The following MYO3B variants were observed in gnomAD, a reference collection of about 807,000 sequenced individuals.
MYO3B encodes the protein myosin-IIIb.
A neutral mutation model predicts 174.6 loss-of-function variants in MYO3B; 156 were observed. That is an observed-to-expected ratio of 0.89 (90% confidence interval 0.78 to 1.02). MYO3B has a LOEUF of 1.02. Ranked by LOEUF, MYO3B falls within the 50% of genes least tolerant of loss-of-function variation. MYO3B has a pLI of 0.00. For missense variants in MYO3B, 1,632 were observed against 1,639.4 expected (o/e 1.00, Z 0.08); for synonymous variants, 563 against 569.1 (o/e 0.99, Z 0.15).
At position 170,653,362 on chromosome 2, in the gene MYO3B, T is replaced by TCA. The variant is rs1366113673; in HGVS notation, c.*241_*242insCA. On this transcript the variant is annotated 3_prime_UTR_variant, in exon 35 of 35. Coordinates refer to ENST00000408978, the MANE Select transcript of MYO3B (RefSeq NM_138995.5). ...TCCTTTCTCATCCCATGGGGCCCTG[T>TCA]GGGACACTGAGAACACCTTTACAAT... is the stretch of plus-strand genomic sequence containing the variant. The TCA allele has an allele frequency of 5.4e-5, 29 of 533,938 alleles. No homozygotes were observed. Among genetic ancestry groups the TCA allele is most frequent in the Non-Finnish European group, 9.3e-5 (28 of 301,244 alleles). The allele number at this position is 533,938 out of a possible 1,614,324, so 33.1% of individuals were successfully genotyped here.
At chr2:170,516,126 C>A (rs947920034) in intron 29 of MYO3B, among the ~76,000 whole-genome samples, 2 of 152,120 alleles carry the variant, frequency 1.3e-5, no homozygotes, top group African/African-American at 4.8e-5. Context: ...ACACACAGTG[C>A]TTTTTAAAAA....
At chr2:170,586,550 G>A (rs978070527) in intron 32 of MYO3B, among the ~76,000 whole-genome samples, 2 of 152,212 alleles carry the variant, frequency 1.3e-5, no homozygotes, top group Non-Finnish European at 2.9e-5. Context: ...TGCCTGTTAT[G>A]TATGTTACTA....
chr2:170,455,916 C>T (rs1219467181), intron 23 of MYO3B, among the ~76,000 whole-genome samples: 1 of 152,078 alleles, frequency 6.6e-6, no homozygotes, highest in Non-Finnish European at 1.5e-5. Flanking sequence ...ATGGTTTTGT[C>T]CAGAATATGG....
intron 7 of MYO3B, among the ~76,000 whole-genome samples, chr2:170,253,956 G>C (rs2093280022): frequency 6.6e-6 from 1 of 152,048 alleles, no homozygotes; most frequent in South Asian, 2.1e-4. Flanking sequence ...CTCCCACTGA[G>C]AGAAAACAAA....
rs565703090 is a variant in MYO3B, at chr2:170,251,206, T to G, written c.749+15070T>G. ...TACTGTCTTATACAGTTTCTTTGAT[T>G]CTTTACTGCAACTCTGATAGGTAGG... On this transcript the variant is annotated intron_variant, in intron 7 of 34. Coordinates refer to ENST00000408978, the MANE Select transcript of MYO3B (RefSeq NM_138995.5). Among the ~76,000 whole-genome samples, 5 of 152,170 alleles carry G rather than the reference T, an allele frequency of 3.3e-5. No individual in the cohort carries two copies. The South Asian group carries it at 1.0e-3, about 32-fold the overall frequency.
intron 1 of MYO3B, among the ~76,000 whole-genome samples, chr2:170,180,764 A>G (rs1409097281): frequency 6.6e-6 from 1 of 152,198 alleles, no homozygotes; most frequent in African/African-American, 2.4e-5. Flanking sequence ...AAAAATGTAT[A>G]TAAGGATATA....
intron 7 of MYO3B, among the ~76,000 whole-genome samples, chr2:170,296,858 A>T (rs2093631907): frequency 6.6e-6 from 1 of 152,166 alleles, no homozygotes; most frequent in Non-Finnish European, 1.5e-5. Flanking sequence ...CAGAGTGGGG[A>T]CAAAAGAGAG....
intron 22 of MYO3B, 59 bp from the exon 23 acceptor site, chr2:170,443,908 T>C: frequency 7.0e-7 from 1 of 1,431,448 alleles, no homozygotes; most frequent in Non-Finnish European, 9.7e-7. Flanking sequence ...GAAAAATTAC[T>C]CATGATCCTA....
At chr2:170,305,162 TA>T (rs2093692498) in intron 7 of MYO3B, among the ~76,000 whole-genome samples, 1 of 152,178 alleles carries the variant, frequency 6.6e-6, no homozygotes, top group Admixed American at 6.6e-5. Context: ...TAAATATGAA[TA>T]ACCTGTTGTT....
intron 22 of MYO3B, among the ~76,000 whole-genome samples, chr2:170,430,763 A>C (rs1164469404): frequency 6.6e-6 from 1 of 152,242 alleles, no homozygotes; most frequent in Non-Finnish European, 1.5e-5. Context: ...AAGTATCAGA[A>C]GAATAGTAAC....
intron 6 of MYO3B, among the ~76,000 whole-genome samples, chr2:170,219,193 A>G (rs2092863938): frequency 6.6e-6 from 1 of 152,182 alleles, no homozygotes; most frequent in Non-Finnish European, 1.5e-5. Flanking sequence ...TCCTTTCCCT[A>G]AGTTTCCACC....
intron 32 of MYO3B, chr2:170,643,958 T>C (rs1040026081): frequency 2.0e-5 from 3 of 152,190 alleles, no homozygotes; most frequent in Non-Finnish European, 4.4e-5. Context: ...TAGCAGGTGA[T>C]GAAAATGGAA....
intron 25 of MYO3B, among the ~76,000 whole-genome samples, chr2:170,490,742 T>G (rs563176497): frequency 7.0e-4 from 106 of 152,258 alleles, no homozygotes; most frequent in African/African-American, 2.5e-3. Flanking sequence ...GTTGAATTAA[T>G]TTTTTAAATT....
chr2:170,331,615 G>A (rs10193762), intron 7 of MYO3B, among the ~76,000 whole-genome samples: 93,430 of 151,988 alleles, frequency 0.61, 29,098 homozygotes, highest in East Asian at 0.7. Flanking sequence ...TTAAGTTAGA[G>A]TCTGCCATGG....
At chr2:170,389,248 C>T (rs1169446415) in intron 14 of MYO3B, among the ~76,000 whole-genome samples, 2 of 152,128 alleles carry the variant, frequency 1.3e-5, no homozygotes, top group Non-Finnish European at 2.9e-5. Flanking sequence ...TGTTGGGATT[C>T]ACCCCCTTCT....
chr2:170,203,743 T>C (rs1303031386), intron 3 of MYO3B, among the ~76,000 whole-genome samples: 2 of 152,140 alleles, frequency 1.3e-5, no homozygotes, highest in African/African-American at 4.8e-5. Flanking sequence ...CTGGTGGATT[T>C]TGATTGACCA....
At chr2:170,347,599 G>GA (rs1246203790) in intron 8 of MYO3B, among the ~76,000 whole-genome samples, 4 of 151,328 alleles carry the variant, frequency 2.6e-5, no homozygotes, top group African/African-American at 7.3e-5. Flanking sequence ...AGACTGTCTC[G>GA]AAAAAAAATA....
At chr2:170,275,627 A>G (rs2093459241) in intron 7 of MYO3B, among the ~76,000 whole-genome samples, 1 of 152,192 alleles carries the variant, frequency 6.6e-6, no homozygotes, top group South Asian at 2.1e-4. Context: ...ACTCATTGTC[A>G]GAGCATGAAA....
At chr2:170,428,561 T>C (rs1343115129) in intron 22 of MYO3B, among the ~76,000 whole-genome samples, 3 of 152,256 alleles carry the variant, frequency 2.0e-5, no homozygotes, top group Non-Finnish European at 4.4e-5. Flanking sequence ...CAATACTGTT[T>C]ACTTCCTTGA....
Sources: allele counts gnomAD v4.1 joint callset (sites outside exome capture counted in the v4.1 genomes callset), GRCh38; gene constraint gnomAD v4.1.1; transcripts MANE v1.5; gene names NCBI Gene and HGNC (gene_info 2026-07-23, HGNC 2026-07-21).